SDCCAG8: variants seen among roughly 807,000 people sequenced by gnomAD.
The protein encoded by SDCCAG8 is SHH signaling and ciliogenesis regulator SDCCAG8.
In SDCCAG8, 74 loss-of-function variants were observed where a neutral mutation model predicts 101.8. The observed-to-expected ratio is 0.73, with a 90% CI of 0.60 to 0.88. The LOEUF (loss-of-function observed/expected upper bound fraction) is 0.88, where lower values mean the gene tolerates loss of function less well. SDCCAG8 is among the 40% of genes least tolerant of loss of function. The pLI, the probability that SDCCAG8 is intolerant of heterozygous loss-of-function variation, is 0.00. For missense variants in SDCCAG8, 787 were observed against 822.6 expected (o/e 0.96, Z 0.53); for synonymous variants, 281 against 292.9 (o/e 0.96, Z 0.41).
chr1:243,280,579 C>T (rs1274524020), intron 4 of SDCCAG8, among the ~76,000 whole-genome samples: 1 of 152,078 alleles, frequency 6.6e-6, no homozygotes, highest in Non-Finnish European at 1.5e-5. Context: ...ACTCCTTTTG[C>T]TGCATCCTTT....
intron 12 of SDCCAG8, among the ~76,000 whole-genome samples, chr1:243,348,037 C>CTTTTTT (rs1181379015): frequency 9.7e-6 from 1 of 103,380 alleles, no homozygotes; most frequent in Non-Finnish European, 1.9e-5. Context: ...TTTTTTTTTT[C>CTTTTTT]TTTTTTTTTT....
At chr1:243,369,975 T>C (rs75093901) in intron 12 of SDCCAG8, among the ~76,000 whole-genome samples, 1,762 of 152,252 alleles carry the variant, frequency 0.012, 31 homozygotes, top group African/African-American at 0.041. Context: ...CATTTCAATC[T>C]GTAATCTGAA....
intron 1 of SDCCAG8, among the ~76,000 whole-genome samples, chr1:243,266,523 T>C (rs73118307): frequency 0.059 from 8,898 of 151,870 alleles, 851 homozygotes; most frequent in African/African-American, 0.2. Context: ...TTTTGTCACG[T>C]TGTTCAGGCT....
intron 16 of SDCCAG8, among the ~76,000 whole-genome samples, chr1:243,445,274 T>TCCATTC (rs1331280093): frequency 6.6e-6 from 1 of 152,088 alleles, no homozygotes; most frequent in Non-Finnish European, 1.5e-5. Flanking sequence ...ACTCCCACCC[T>TCCATTC]CCATTCCCAT....
chr1:243,330,706 C>T lies in SDCCAG8; in HGVS notation c.1221+14C>T. On this transcript the variant is annotated intron_variant, in intron 10 of 17. Transcript: ENST00000366541. ...ATGGGATCAAAGGTACTTAAGGACTCTGCTGTTATCCACATTGCAGAAGAA... is the reference window on the plus strand; with the variant it reads ...ATGGGATCAAAGGTACTTAAGGACTTTGCTGTTATCCACATTGCAGAAGAA... The T allele has an allele frequency of 6.2e-7, 1 of 1,613,876 alleles. No homozygotes were observed. The highest frequency in any genetic ancestry group is 8.5e-7 in the Non-Finnish European group (1 of 1,179,792).
intron 12 of SDCCAG8, 37 bp downstream of exon 12, chr1:243,344,368 A>C (rs2075574754): frequency 5.4e-6 from 7 of 1,287,272 alleles, no homozygotes; most frequent in Non-Finnish European, 7.9e-6. Flanking sequence ...GCAATTATAG[A>C]TATGAGTAAC....
chr1:243,348,632 C>A (rs2075887215), intron 12 of SDCCAG8, among the ~76,000 whole-genome samples: 1 of 151,934 alleles, frequency 6.6e-6, no homozygotes, highest in African/African-American at 2.4e-5. Flanking sequence ...AAAGATGAGA[C>A]CACATACAGG....
chr1:243,486,882 TTG>T (rs1327771728), intron 16 of SDCCAG8, among the ~76,000 whole-genome samples: 1 of 152,188 alleles, frequency 6.6e-6, no homozygotes, highest in Non-Finnish European at 1.5e-5. Context: ...ATGATGTCAT[TTG>T]TCACGTTTCT....
intron 10 of SDCCAG8, among the ~76,000 whole-genome samples, chr1:243,334,123 C>G (rs771156827): frequency 6.6e-5 from 10 of 152,166 alleles, no homozygotes; most frequent in Admixed American, 1.3e-4. Context: ...TCACCAGGCT[C>G]TAAGACTTAA....
chr1:243,463,288 T>C (rs1659489740), intron 16 of SDCCAG8, among the ~76,000 whole-genome samples: 4 of 152,186 alleles, frequency 2.6e-5, no homozygotes, highest in Admixed American at 2.0e-4. Flanking sequence ...CAAGAGGAGC[T>C]CTGTAGAGTG....
At chr1:243,407,962 G>A (rs2079898731) in intron 13 of SDCCAG8, among the ~76,000 whole-genome samples, 1 of 152,182 alleles carries the variant, frequency 6.6e-6, no homozygotes, top group Non-Finnish European at 1.5e-5. Flanking sequence ...GCCCCTGTTA[G>A]CTGTAAATAA....
chr1:243,327,123 G>A (rs890326812), intron 9 of SDCCAG8, among the ~76,000 whole-genome samples: 2 of 151,980 alleles, frequency 1.3e-5, no homozygotes, highest in Non-Finnish European at 2.9e-5. Context: ...GGAAAGGGCC[G>A]TGTTCAGGGA....
At chr1:243,415,965 C>G in intron 14 of SDCCAG8, 136 bp downstream of exon 14, 2 of 982,172 alleles carry the variant, frequency 2.0e-6, no homozygotes, top group Non-Finnish European at 3.0e-6. Flanking sequence ...CCGGAGATTC[C>G]GAATTACATA....
chr1:243,404,906 G>T (rs567180469), intron 13 of SDCCAG8, among the ~76,000 whole-genome samples: 1 of 144,800 alleles, frequency 6.9e-6, no homozygotes, highest in Non-Finnish European at 1.5e-5. Flanking sequence ...TTACCCTGTC[G>T]CCCAGGCTGG....
intron 14 of SDCCAG8, 52 bp from the exon 15 acceptor site, chr1:243,417,916 G>A: frequency 7.5e-7 from 1 of 1,338,552 alleles, no homozygotes; most frequent in South Asian, 1.2e-5. Context: ...AAGCACTGCA[G>A]AGCGACAACC....
intron 12 of SDCCAG8, among the ~76,000 whole-genome samples, chr1:243,370,047 A>G (rs866067923): frequency 6.6e-6 from 1 of 152,060 alleles, no homozygotes; most frequent in Non-Finnish European, 1.5e-5. Context: ...TTTGCAATGC[A>G]TCGTTTGAAA....
chr1:243,456,523 A>G (rs567706346), intron 16 of SDCCAG8, among the ~76,000 whole-genome samples: 10 of 152,322 alleles, frequency 6.6e-5, no homozygotes, highest in Admixed American at 6.5e-4. Flanking sequence ...CTCTGCTTAG[A>G]GAGAAATTAG....
At chr1:243,269,564 T>A (rs757540537) in intron 1 of SDCCAG8, among the ~76,000 whole-genome samples, 3 of 151,872 alleles carry the variant, frequency 2.0e-5, no homozygotes, top group Non-Finnish European at 4.4e-5. Context: ...TATAAGCACT[T>A]CAGCTATGCA....
At chr1:243,453,888 T>C (rs577096406) in intron 16 of SDCCAG8, among the ~76,000 whole-genome samples, 10 of 152,344 alleles carry the variant, frequency 6.6e-5, no homozygotes, top group Admixed American at 1.3e-4. Context: ...CTGAGACCTA[T>C]ATTCTCCAGC....
Sources: gnomAD v4.1 joint callset for allele counts (sites outside exome capture counted in the v4.1 genomes callset) on GRCh38, gnomAD v4.1.1 for gene constraint, MANE v1.5 for transcripts, NCBI Gene and HGNC (gene_info 2026-07-23, HGNC 2026-07-21) for gene names.